The following PDZRN4 variants were observed in gnomAD, a reference collection of about 807,000 sequenced individuals.
The protein encoded by PDZRN4 is PDZ domain containing ring finger 4.
In PDZRN4, 70 loss-of-function variants were observed where a neutral mutation model predicts 99.0. The observed-to-expected ratio is 0.71, with a 90% CI of 0.58 to 0.86. The LOEUF (loss-of-function observed/expected upper bound fraction) is 0.86. PDZRN4 is among the 40% of genes least tolerant of loss of function. The pLI is 0.00. For synonymous variants in PDZRN4, 551 were observed against 501.6 expected (o/e 1.10, Z -1.32); for missense variants, 1,474 against 1,331.2 (o/e 1.11, Z -1.67).
intron 3 of PDZRN4, among the ~76,000 whole-genome samples, chr12:41,423,706 T>A (rs1952510613): frequency 6.6e-6 from 1 of 152,166 alleles, no homozygotes; most frequent in Non-Finnish European, 1.5e-5. Context: ...GGACTCCTAC[T>A]CCCACTGGTT....
intron 3 of PDZRN4, among the ~76,000 whole-genome samples, chr12:41,453,501 T>A (rs1952791690): frequency 6.6e-6 from 1 of 152,238 alleles, no homozygotes; most frequent in South Asian, 2.1e-4. Flanking sequence ...TGATAAATTG[T>A]GTCTGGAGAT....
At chr12:41,568,352 G>T (rs1200914858) in intron 9 of PDZRN4, among the ~76,000 whole-genome samples, 2 of 152,152 alleles carry the variant, frequency 1.3e-5, no homozygotes, top group East Asian at 3.9e-4. Context: ...AGTTTTATTT[G>T]CGTACTGGAT....
rs112560932 is a variant in PDZRN4 at position 41,402,136 on chromosome 12, TATATAC to T, written c.844-104318_844-104313del. The stretch of plus-strand genomic sequence containing the variant: ...CTGAGTATATATATATATATATATA[TATATAC>T]ACACACTGAGTATATATATATATAT... On this transcript the variant is annotated intron_variant, in intron 3 of 9. Transcript: ENST00000402685. 4.6e-4 allele frequency among the ~76,000 whole-genome samples: 19 copies of T among 41,178 alleles called. 2 individuals are homozygous for T. The highest frequency in any genetic ancestry group is 1.9e-3 in the African/African-American group (16 of 8,314). The allele number at this position is 41,178 out of a possible 152,430, so 27.0% of individuals were successfully genotyped here. A position where few individuals can be genotyped will look rare whatever the true frequency, so the allele number is the denominator to read the frequency against.
intron 3 of PDZRN4, among the ~76,000 whole-genome samples, chr12:41,233,089 A>C (rs1262608828): frequency 6.6e-6 from 1 of 152,110 alleles, no homozygotes; most frequent in Non-Finnish European, 1.5e-5. Context: ...GTATAGTTTG[A>C]AAATAAAAAA....
chr12:41,253,744 T>A (rs1297995819), intron 3 of PDZRN4, among the ~76,000 whole-genome samples: 2 of 152,090 alleles, frequency 1.3e-5, no homozygotes, highest in African/African-American at 4.8e-5. Context: ...TGTGTGTCCA[T>A]CAAAAGATAA....
chr12:41,509,982 G>T (rs1168961650), intron 5 of PDZRN4, 69 bp downstream of exon 5: 20 of 721,700 alleles, frequency 2.8e-5, no homozygotes, highest in Non-Finnish European at 4.3e-5. Context: ...GTATAACAAA[G>T]AAATTAATTT....
intron 3 of PDZRN4, among the ~76,000 whole-genome samples, chr12:41,346,666 A>G (rs564027565): frequency 6.6e-6 from 1 of 152,244 alleles, no homozygotes; most frequent in African/African-American, 2.4e-5. Flanking sequence ...ATCTAACCAA[A>G]AGCTTGATGG....
intron 3 of PDZRN4, among the ~76,000 whole-genome samples, chr12:41,254,864 T>C (rs1951193551): frequency 6.6e-6 from 1 of 152,082 alleles, no homozygotes; most frequent in South Asian, 2.1e-4. Flanking sequence ...AGCAGGAGGA[T>C]CACTTAAGGC....
chr12:41,494,286 A>G (rs1352102635), intron 3 of PDZRN4, among the ~76,000 whole-genome samples: 1 of 152,112 alleles, frequency 6.6e-6, no homozygotes, highest in African/African-American at 2.4e-5. Context: ...ATTAATATGA[A>G]TGTATAGAAA....
At position 41,459,413 on chromosome 12, in the gene PDZRN4, C is replaced by A. The variant is rs186794766; in HGVS notation, c.844-47043C>A. ...ACTCCATATGCCTCTTTTGGCCAAC[C>A]CAGTAATGCAGCTTGTGGAAATATA... is the stretch of plus-strand genomic sequence containing the variant. On this transcript the variant is annotated intron_variant, in intron 3 of 9. Coordinates refer to ENST00000402685, the MANE Select transcript of PDZRN4 (RefSeq NM_001164595.2). 1.1e-3 allele frequency among the ~76,000 whole-genome samples: 166 copies of A among 152,296 alleles called. 2 individuals are homozygous for A. Among genetic ancestry groups the A allele is most frequent in the Middle Eastern group, 3.4e-3 (1 of 294 alleles).
chr12:41,236,570 G>A (rs1254033497), intron 3 of PDZRN4, among the ~76,000 whole-genome samples: 1 of 152,082 alleles, frequency 6.6e-6, no homozygotes, highest in African/African-American at 2.4e-5. Flanking sequence ...GAGAAGAAAG[G>A]TCAGTTAGGA....
At chr12:41,279,525 ATTAG>A (rs1951370260) in intron 3 of PDZRN4, among the ~76,000 whole-genome samples, 1 of 152,184 alleles carries the variant, frequency 6.6e-6, no homozygotes, top group East Asian at 1.9e-4. Flanking sequence ...TTATTGAATA[ATTAG>A]TTTCTATTTT....
chr12:41,189,174 C>T (rs1405114422), intron 1 of PDZRN4, 71 bp downstream of exon 1: 1 of 1,422,612 alleles, frequency 7.0e-7, no homozygotes, highest in African/African-American at 1.4e-5. Flanking sequence ...CTTTCTGACG[C>T]TTCAGGATTC....
intron 3 of PDZRN4, among the ~76,000 whole-genome samples, chr12:41,204,453 A>C (rs937559549): frequency 6.6e-6 from 1 of 152,018 alleles, no homozygotes; most frequent in African/African-American, 2.4e-5. Context: ...TGTTGGAAGT[A>C]CTAGGCCAGT....
At chr12:41,302,735 A>G (rs905354944) in intron 3 of PDZRN4, among the ~76,000 whole-genome samples, 1 of 151,930 alleles carries the variant, frequency 6.6e-6, no homozygotes, top group African/African-American at 2.4e-5. Flanking sequence ...TGTTTTCTGT[A>G]TGTCATTTTT....
intron 3 of PDZRN4, among the ~76,000 whole-genome samples, chr12:41,458,217 G>A (rs1256946901): frequency 6.6e-6 from 1 of 152,166 alleles, no homozygotes; most frequent in African/African-American, 2.4e-5. Context: ...GAGTGCAATG[G>A]CACAATCTCG....
At chr12:41,339,312 A>G (rs1276885525) in intron 3 of PDZRN4, among the ~76,000 whole-genome samples, 1 of 152,064 alleles carries the variant, frequency 6.6e-6, no homozygotes, top group Non-Finnish European at 1.5e-5. Flanking sequence ...GTTGCCAAGA[A>G]CACATGTTGG....
intron 5 of PDZRN4, among the ~76,000 whole-genome samples, chr12:41,515,188 A>G (rs905530967): frequency 1.3e-5 from 2 of 152,024 alleles, no homozygotes; most frequent in Non-Finnish European, 1.5e-5. Context: ...AAAGCCAGTG[A>G]TGGAAGAAAC....
At chr12:41,211,747 T>C (rs953762627) in intron 3 of PDZRN4, among the ~76,000 whole-genome samples, 2 of 152,050 alleles carry the variant, frequency 1.3e-5, no homozygotes, top group East Asian at 3.9e-4. Context: ...TGTATGAAAA[T>C]CAGTTTAGGC....
Sources: allele counts gnomAD v4.1 joint callset (sites outside exome capture counted in the v4.1 genomes callset), GRCh38; gene constraint gnomAD v4.1.1; transcripts MANE v1.5; gene names NCBI Gene and HGNC (gene_info 2026-07-23, HGNC 2026-07-21).